Variants in VPS37A observed in about 807,000 individuals in gnomAD.
The protein encoded by VPS37A is VPS37A subunit of ESCRT-I, also known as vacuolar protein sorting-associated protein 37A.
Under a neutral mutation model 49.8 loss-of-function variants are expected in VPS37A, and 30 were observed. The observed-to-expected ratio is 0.60, with a 90% CI of 0.45 to 0.82. The LOEUF (loss-of-function observed/expected upper bound fraction) is 0.82, where lower values mean the gene tolerates loss of function less well. Among genes scored for constraint, VPS37A ranks in the 40% least tolerant of loss-of-function variants. The probability of loss-of-function intolerance (pLI) is 0.00; values close to 1 mark genes in which losing one functional copy is unlikely to be tolerated. For synonymous variants in VPS37A, 195 were observed against 160.6 expected (o/e 1.21, Z -1.62); for missense variants, 593 against 464.4 (o/e 1.28, Z -2.55).
intron 6 of VPS37A, among the ~76,000 whole-genome samples, chr8:17,277,334 A>G (rs73666103): frequency 7.6e-4 from 115 of 152,262 alleles, no homozygotes; most frequent in African/African-American, 2.6e-3. Flanking sequence ...ATAACCCCAT[A>G]AGGTAGGAGT....
the VPS37A span, among the ~76,000 whole-genome samples, chr8:17,323,334 G>A: frequency 6.6e-6 from 1 of 151,990 alleles, no homozygotes; most frequent in African/African-American, 2.4e-5. Flanking sequence ...TACATCCCTT[G>A]ACTCCACTTT....
At chr8:17,282,339 A>G (rs943033975) in intron 9 of VPS37A, among the ~76,000 whole-genome samples, 13 of 152,154 alleles carry the variant, frequency 8.5e-5, no homozygotes, top group African/African-American at 2.9e-4. Flanking sequence ...GTATCATACA[A>G]TACACAGAAA....
chr8:17,317,551 G>C, the VPS37A span, among the ~76,000 whole-genome samples: 1 of 152,240 alleles, frequency 6.6e-6, no homozygotes, highest in East Asian at 1.9e-4. Flanking sequence ...TGCGGTCAAC[G>C]TTTCCAGAAA....
At chr8:17,328,411 G>A in the VPS37A span, among the ~76,000 whole-genome samples, 1 of 152,146 alleles carries the variant, frequency 6.6e-6, no homozygotes, top group Non-Finnish European at 1.5e-5. Flanking sequence ...CTCTTCTACG[G>A]ACTGTTTTAA....
rs368335033 is a variant in VPS37A at position 17,265,955 on chromosome 8, A to T, written c.174A>T (p.Ile58=). ...TGGAATACAGATTGCCATTCACCATAAACAACCTGACAATTAACATTAATA... is the reference window on the plus strand; with the variant it reads ...TGGAATACAGATTGCCATTCACCATTAACAACCTGACAATTAACATTAATA... ...KDVEYRLPFT[I]NNLTININIL... Residue 58 remains isoleucine (I), a synonymous_variant, in exon 2 of 12, where the codon ATA becomes ATT. Transcript: ENST00000324849. 70 of 1,613,002 alleles carry T rather than the reference A, an allele frequency of 4.3e-5. No homozygotes were observed. The highest frequency in any genetic ancestry group is 5.6e-5 in the Non-Finnish European group (66 of 1,179,592).
At chr8:17,270,037 G>T (rs1021199566) in intron 4 of VPS37A, among the ~76,000 whole-genome samples, 4 of 152,096 alleles carry the variant, frequency 2.6e-5, no homozygotes, top group African/African-American at 7.2e-5. Flanking sequence ...GAGAGCAAGA[G>T]TGAGGAGTGG....
the VPS37A span, chr8:17,309,473 C>A: frequency 1.5e-6 from 1 of 661,186 alleles, no homozygotes; most frequent in Admixed American, 2.8e-5. Flanking sequence ...CATTATCCAC[C>A]CATATAGAGA....
At chr8:17,277,987 T>C (rs1266699916) in intron 6 of VPS37A, among the ~76,000 whole-genome samples, 1 of 151,936 alleles carries the variant, frequency 6.6e-6, no homozygotes, top group Non-Finnish European at 1.5e-5. Flanking sequence ...CATACATCCA[T>C]GCGTGTATAT....
rs747646040 is a variant in VPS37A, at chr8:17,284,502, A to G, written c.999A>G (p.Arg333=). 5 of 1,596,120 alleles carry G rather than the reference A, an allele frequency of 3.1e-6. No individual in the cohort carries two copies. The highest frequency in any genetic ancestry group is 1.7e-6 in the Non-Finnish European group (2 of 1,175,018). ...GTAGTGCAAGTGCCCTTCAGGCAAG[A>G]TTGAAAGTAGCTGCACATGAAGCTG... is the stretch of plus-strand genomic sequence containing the variant. ...ESCSASALQA[R]LKVAAHEAEE... The change falls in exon 10 of 12, where the codon AGA becomes AGG. Residue 333 remains arginine, a synonymous_variant. Transcript: ENST00000324849.
At chr8:17,312,693 C>G in the VPS37A span, among the ~76,000 whole-genome samples, 6 of 151,728 alleles carry the variant, frequency 4.0e-5, no homozygotes, top group African/African-American at 1.5e-4. Context: ...TAGAATAGTA[C>G]CTGGCACTAA....
chr8:17,286,537 T>C (rs970249796), intron 11 of VPS37A, 110 bp downstream of exon 11: 10 of 866,018 alleles, frequency 1.2e-5, no homozygotes, highest in South Asian at 1.7e-5. Context: ...TCTGTCATTA[T>C]AGTTACTGTG....
At position 17,284,524 on chromosome 8, in the gene VPS37A, G is replaced by A. The variant is rs770515636; in HGVS notation, c.1021G>A (p.Ala341Thr). The A allele has an allele frequency of 4.4e-6, 7 of 1,599,856 alleles. No individual in the cohort carries two copies. In the Admixed American group the frequency reaches 8.9e-5, roughly 20 times the overall value. Residue 341 changes from alanine to threonine, a missense_variant, in exon 10 of 12, where the codon GCT becomes ACT. Transcript: ENST00000324849. ...AAGATTGAAAGTAGCTGCACATGAA[G>A]CTGAGGAAGAATCTGATAATATTGC... ...QARLKVAAHE[A>T]EEESDNIAED...
At chr8:17,258,145 T>G (rs1812646940) in intron 1 of VPS37A, among the ~76,000 whole-genome samples, 1 of 152,200 alleles carries the variant, frequency 6.6e-6, no homozygotes, top group Non-Finnish European at 1.5e-5. Flanking sequence ...TTTATTTCTA[T>G]CTCTTGCCTA....
chr8:17,280,353 A>G (rs756364251), intron 8 of VPS37A, 22 bp from the exon 9 acceptor site: 5 of 1,602,282 alleles, frequency 3.1e-6, no homozygotes, highest in East Asian at 2.2e-5. Flanking sequence ...GAATAAAACA[A>G]CCTTTTCATT....
the VPS37A span, among the ~76,000 whole-genome samples, chr8:17,312,974 G>A: frequency 6.6e-6 from 1 of 152,094 alleles, no homozygotes; most frequent in African/African-American, 2.4e-5. Context: ...TAAGCCCCAA[G>A]CCCCATCACT....
intron 9 of VPS37A, among the ~76,000 whole-genome samples, chr8:17,281,440 C>G (rs780156587): frequency 2.6e-5 from 4 of 151,964 alleles, no homozygotes; most frequent in Non-Finnish European, 4.4e-5. Context: ...GTTGAAGAAG[C>G]TTTCATAGTA....
downstream of VPS37A, chr8:17,304,268 G>T: frequency 4.1e-6 from 5 of 1,232,648 alleles, no homozygotes; most frequent in Non-Finnish European, 4.4e-6. Flanking sequence ...TGTCTTTTGT[G>T]TCCAATAAAA....
the VPS37A span, among the ~76,000 whole-genome samples, chr8:17,314,865 G>C: frequency 6.6e-6 from 1 of 152,158 alleles, no homozygotes; most frequent in African/African-American, 2.4e-5. Context: ...ACCTTTCTAA[G>C]GTCACAGTGT....
At chr8:17,313,271 A>G in the VPS37A span, 4 of 1,566,870 alleles carry the variant, frequency 2.6e-6, no homozygotes, top group Non-Finnish European at 3.5e-6. Flanking sequence ...CCCTTAATTT[A>G]TTTTCTCTGC....
Sources: gnomAD v4.1 joint callset for allele counts (sites outside exome capture counted in the v4.1 genomes callset) on GRCh38, gnomAD v4.1.1 for gene constraint, MANE v1.5 for transcripts, NCBI Gene and HGNC (gene_info 2026-07-23, HGNC 2026-07-21) for gene names.